Variants in L3MBTL4 observed in about 807,000 individuals in gnomAD.
L3MBTL4 encodes the protein lethal(3)malignant brain tumor-like protein 4.
L3MBTL4 carries 70 observed loss-of-function variants against 84.5 expected under a neutral mutation model. That is an observed-to-expected ratio of 0.83 (90% CI 0.68 to 1.01). The LOEUF (loss-of-function observed/expected upper bound fraction) is 1.01. Among genes scored for constraint, L3MBTL4 ranks in the 50% least tolerant of loss-of-function variants. The pLI is 0.00. For synonymous variants in L3MBTL4, 274 were observed against 259.8 expected, an observed-to-expected ratio of 1.05 and a Z score of -0.52; for missense variants, 715 against 754.8, an observed-to-expected ratio of 0.95 and a Z score of 0.62.
At chr18:6,353,447 G>GT (rs1312419561) in intron 1 of L3MBTL4, among the ~76,000 whole-genome samples, 3 of 152,076 alleles carry the variant, frequency 2.0e-5, no homozygotes, top group Admixed American at 1.3e-4. Context: ...TCAGTGATAT[G>GT]TTTTTAAAAT....
intron 16 of L3MBTL4, among the ~76,000 whole-genome samples, chr18:6,021,223 G>T (rs2055237081): frequency 6.6e-6 from 1 of 152,226 alleles, no homozygotes; most frequent in African/African-American, 2.4e-5. Flanking sequence ...GAGGATAGAG[G>T]AGCTAGCCTG....
intron 1 of L3MBTL4, among the ~76,000 whole-genome samples, chr18:6,368,232 T>A (rs2144134386): frequency 6.6e-6 from 1 of 151,638 alleles, no homozygotes; most frequent in Non-Finnish European, 1.5e-5. Context: ...TGACTCACAG[T>A]GAGGCGGCCG....
In L3MBTL4 at chr18:6,282,234, A is replaced by G. The variant is rs148338013; in HGVS notation, c.128-18196T>C. ...CAAAATTGTCCATCACACTTCCCTC[A>G]CGAGCTTTAAAATCTACTGGAGAGG... On this transcript the variant is annotated intron_variant, in intron 4 of 18. Transcript: ENST00000317931. Among the ~76,000 whole-genome samples, 8 of 152,310 alleles carry G rather than the reference A, an allele frequency of 5.3e-5. No homozygotes were observed. In the East Asian group the frequency reaches 1.5e-3, roughly 29 times the overall value.
chr18:6,072,325 A>C (rs1284386194), intron 16 of L3MBTL4, among the ~76,000 whole-genome samples: 1 of 152,180 alleles, frequency 6.6e-6, no homozygotes, highest in Non-Finnish European at 1.5e-5. Context: ...CTCTGACCAC[A>C]GTGGAATAAA....
At chr18:6,192,489 G>C (rs545992685) in intron 12 of L3MBTL4, among the ~76,000 whole-genome samples, 7 of 152,194 alleles carry the variant, frequency 4.6e-5, no homozygotes, top group South Asian at 2.1e-4. Flanking sequence ...GGGTGGTGCT[G>C]GCAATATGTG....
intron 5 of L3MBTL4, among the ~76,000 whole-genome samples, chr18:6,257,723 C>T (rs1599369015): frequency 6.6e-6 from 1 of 150,542 alleles, no homozygotes; most frequent in East Asian, 1.9e-4. Flanking sequence ...CTTGGCTCAC[C>T]GCAACCTCCG....
chr18:6,039,554 T>C (rs961074253), intron 16 of L3MBTL4, among the ~76,000 whole-genome samples: 2 of 152,152 alleles, frequency 1.3e-5, no homozygotes, highest in Non-Finnish European at 2.9e-5. Flanking sequence ...TTTCTCTTAT[T>C]TGGAGTTGTG....
At chr18:6,151,796 T>C (rs1483816583) in intron 13 of L3MBTL4, among the ~76,000 whole-genome samples, 1 of 152,224 alleles carries the variant, frequency 6.6e-6, no homozygotes, top group Non-Finnish European at 1.5e-5. Context: ...CACAATCAAA[T>C]TAACACATCA....
chr18:6,012,229 G>T (rs754266705), intron 16 of L3MBTL4, among the ~76,000 whole-genome samples: 10 of 152,060 alleles, frequency 6.6e-5, no homozygotes, highest in Non-Finnish European at 1.3e-4. Context: ...GATGAAGAAT[G>T]GAGGAAAGGT....
chr18:6,296,658 GACAA>G (rs1469320971), intron 4 of L3MBTL4, among the ~76,000 whole-genome samples: 2 of 152,146 alleles, frequency 1.3e-5, no homozygotes, highest in African/African-American at 4.8e-5. Flanking sequence ...GGTGGCAGGT[GACAA>G]ACAAGTGCCA....
intron 3 of L3MBTL4, among the ~76,000 whole-genome samples, chr18:6,308,825 T>C (rs2050704469): frequency 6.6e-6 from 1 of 152,176 alleles, no homozygotes; most frequent in Admixed American, 6.5e-5. Flanking sequence ...ATTTAGGGGT[T>C]TAGTGTATGT....
At chr18:6,222,587 A>G (rs1775685707) in intron 10 of L3MBTL4, among the ~76,000 whole-genome samples, 1 of 152,112 alleles carries the variant, frequency 6.6e-6, no homozygotes, top group African/African-American at 2.4e-5. Context: ...AATACTTAAG[A>G]TTTTAAAATA....
intron 10 of L3MBTL4, among the ~76,000 whole-genome samples, chr18:6,231,285 C>T (rs1444876280): frequency 6.6e-6 from 1 of 152,056 alleles, no homozygotes; most frequent in African/African-American, 2.4e-5. Context: ...CAGCTTCAAT[C>T]TTCTGTATAT....
intron 16 of L3MBTL4, among the ~76,000 whole-genome samples, chr18:6,037,686 A>G (rs1321628866): frequency 6.6e-6 from 1 of 152,242 alleles, no homozygotes; most frequent in African/African-American, 2.4e-5. Flanking sequence ...ATGCAAACAG[A>G]TAACTGGTAG....
intron 12 of L3MBTL4, among the ~76,000 whole-genome samples, chr18:6,193,099 G>T (rs577720255): frequency 2.2e-4 from 34 of 152,056 alleles, no homozygotes; most frequent in Non-Finnish European, 3.5e-4. Context: ...CACAAAAAGG[G>T]TTACATTATT....
chr18:6,095,371 G>T (rs1178171924), intron 14 of L3MBTL4, among the ~76,000 whole-genome samples: 2 of 90,428 alleles, frequency 2.2e-5, no homozygotes, highest in African/African-American at 8.1e-5. Flanking sequence ...TTTTTGAGAT[G>T]GAGTCTCGCT....
At chr18:6,147,350 G>C (rs1324567354) in intron 13 of L3MBTL4, among the ~76,000 whole-genome samples, 2 of 151,978 alleles carry the variant, frequency 1.3e-5, no homozygotes. Flanking sequence ...AATATCCATT[G>C]TGCTATAATA....
intron 14 of L3MBTL4, among the ~76,000 whole-genome samples, chr18:6,104,707 C>T (rs569535479): frequency 7.2e-5 from 11 of 151,992 alleles, no homozygotes; most frequent in African/African-American, 2.2e-4. Flanking sequence ...AATATTGTTA[C>T]GAAGATAGAT....
rs541219029 is a variant in L3MBTL4, at chr18:6,070,659, A to C, written c.1444+10222T>G. Among the ~76,000 whole-genome samples the C allele has an allele frequency of 3.9e-4, 59 of 150,360 alleles. 2 individuals are homozygous for C. The highest frequency in any genetic ancestry group is 1.5e-3 in the African/African-American group (59 of 40,464). On this transcript the variant is annotated intron_variant, in intron 16 of 18. Coordinates refer to ENST00000317931, the MANE Select transcript of L3MBTL4 (RefSeq NM_001330559.2). ...TAGTGAGATCCCATCTTTACAAAAA[A>C]CAAAAAACAAAAAACAAAAAAAACA...
Sources: allele counts gnomAD v4.1 joint callset (sites outside exome capture counted in the v4.1 genomes callset), GRCh38; gene constraint gnomAD v4.1.1; transcripts MANE v1.5; gene names NCBI Gene and HGNC (gene_info 2026-07-23, HGNC 2026-07-21).